Variants in KHDRBS3 observed in about 807,000 individuals in gnomAD.
KHDRBS3 encodes the protein KH RNA binding domain containing, signal transduction associated 3, also known as KH domain-containing, RNA-binding, signal transduction-associated protein 3.
In KHDRBS3, 23 loss-of-function variants were observed where a neutral mutation model predicts 45.6. The observed-to-expected ratio is 0.50, with a 90% CI of 0.36 to 0.72. The LOEUF (loss-of-function observed/expected upper bound fraction) is 0.72, where lower values mean the gene tolerates loss of function less well. KHDRBS3 is among the 30% of genes least tolerant of loss of function. The probability of loss-of-function intolerance (pLI) is 0.00; values close to 1 mark genes in which losing one functional copy is unlikely to be tolerated. For synonymous variants in KHDRBS3, 162 were observed against 156.5 expected, an observed-to-expected ratio of 1.04 and a Z score of -0.26; for missense variants, 352 against 424.8, an observed-to-expected ratio of 0.83 and a Z score of 1.51.
chr8:135,493,796 G>A (rs948585483), intron 1 of KHDRBS3, among the ~76,000 whole-genome samples: 3 of 152,136 alleles, frequency 2.0e-5, no homozygotes, highest in Non-Finnish European at 4.4e-5. Flanking sequence ...AATAAAATGA[G>A]TTGGGAAGTA....
chr8:135,574,470 A>G (rs980389535), intron 5 of KHDRBS3, among the ~76,000 whole-genome samples: 1 of 152,216 alleles, frequency 6.6e-6, no homozygotes, highest in Non-Finnish European at 1.5e-5. Context: ...TGCATAACCA[A>G]CAATGTCAAT....
downstream of KHDRBS3, among the ~76,000 whole-genome samples, chr8:135,652,468 G>A (rs375687821): frequency 4.5e-4 from 69 of 152,326 alleles, no homozygotes; most frequent in African/African-American, 1.5e-3. Context: ...CTGCCCAGCC[G>A]CCTGGAGCAC....
In KHDRBS3 at chr8:135,480,638, T is replaced by C. The variant is rs1012503997; in HGVS notation, c.88+22684T>C. Among the ~76,000 whole-genome samples, 8 of 152,022 alleles carry C rather than the reference T, an allele frequency of 5.3e-5. No individual in the cohort carries two copies. The East Asian group carries it at 1.4e-3, about 26-fold the overall frequency. On this transcript the variant is annotated intron_variant, in intron 1 of 8. Transcript: ENST00000355849. ...CTTATTATAGAAAAAAAGTGGAAGA[T>C]GTAAAAAAGGTAGAAAGGAAAAAAA...
intron 3 of KHDRBS3, among the ~76,000 whole-genome samples, chr8:135,548,161 A>G (rs1365929773): frequency 2.6e-5 from 4 of 152,320 alleles, no homozygotes; most frequent in East Asian, 3.9e-4. Flanking sequence ...CATTCATTCA[A>G]CGAATCTTTG....
At chr8:135,482,997 G>A (rs994005788) in intron 1 of KHDRBS3, among the ~76,000 whole-genome samples, 1 of 152,118 alleles carries the variant, frequency 6.6e-6, no homozygotes, top group Admixed American at 6.5e-5. Context: ...TAAAATAACA[G>A]GTAGTGCTTT....
In KHDRBS3 at chr8:135,645,723, G is replaced by A. The variant is rs183477247; in HGVS notation, c.949+606G>A. On this transcript the variant is annotated intron_variant, in intron 8 of 8. Transcript: ENST00000355849. The stretch of plus-strand genomic sequence containing the variant: ...GTCTCACTATGCAGAACGATGACAG[G>A]TTTAATAATTAAAAGAATTGGCGGC... Among the ~76,000 whole-genome samples, 636 of 152,288 alleles carry A rather than the reference G, an allele frequency of 4.2e-3. 5 individuals carry two copies. Among genetic ancestry groups the A allele is most frequent in the African/African-American group, 0.014 (601 of 41,552 alleles).
intron 3 of KHDRBS3, among the ~76,000 whole-genome samples, chr8:135,547,055 G>T (rs972232073): frequency 6.6e-6 from 1 of 152,146 alleles, no homozygotes; most frequent in Non-Finnish European, 1.5e-5. Context: ...TGTGCTTTCA[G>T]GGATGAATTG....
At chr8:135,616,353 G>A (rs998433479) in intron 7 of KHDRBS3, among the ~76,000 whole-genome samples, 23 of 152,184 alleles carry the variant, frequency 1.5e-4, no homozygotes, top group Admixed American at 2.0e-4. Flanking sequence ...TCCTATAAAT[G>A]TAGAGAAGAC....
At chr8:135,636,396 C>T (rs1192894143) in intron 7 of KHDRBS3, among the ~76,000 whole-genome samples, 2 of 152,204 alleles carry the variant, frequency 1.3e-5, no homozygotes, top group African/African-American at 2.4e-5. Flanking sequence ...CATGCAGCTT[C>T]GTGCCACTGC....
intron 2 of KHDRBS3, among the ~76,000 whole-genome samples, chr8:135,529,205 C>T (rs777038911): frequency 2.0e-5 from 3 of 152,178 alleles, no homozygotes; most frequent in Non-Finnish European, 4.4e-5. Flanking sequence ...TGTCAACCTA[C>T]ATCTTGTAGT....
At chr8:135,521,429 G>A (rs1420940241) in intron 2 of KHDRBS3, 74 bp downstream of exon 2, 2 of 825,524 alleles carry the variant, frequency 2.4e-6, no homozygotes, top group Admixed American at 4.6e-5. Context: ...TTTATATTCT[G>A]TTTGGTGTTT....
chr8:135,655,468 A>G (rs950385001), intron 4 of KHDRBS3, among the ~76,000 whole-genome samples: 8 of 152,264 alleles, frequency 5.3e-5, no homozygotes, highest in African/African-American at 1.9e-4. Context: ...GAGGGTGTCA[A>G]CCAAGACATG....
At chr8:135,600,728 C>T (rs548689564) in intron 6 of KHDRBS3, among the ~76,000 whole-genome samples, 8 of 152,302 alleles carry the variant, frequency 5.3e-5, no homozygotes, top group Admixed American at 3.9e-4. Context: ...CTCTGTCATC[C>T]AGACTGGAAT....
chr8:135,537,106 C>T (rs1281512495), intron 2 of KHDRBS3, among the ~76,000 whole-genome samples: 1 of 151,824 alleles, frequency 6.6e-6, no homozygotes, highest in Non-Finnish European at 1.5e-5. Context: ...AACACACAGG[C>T]CTAGTCAGTG....
intron 7 of KHDRBS3, among the ~76,000 whole-genome samples, chr8:135,620,731 C>G (rs1830102076): frequency 6.6e-6 from 1 of 152,160 alleles, no homozygotes; most frequent in Non-Finnish European, 1.5e-5. Flanking sequence ...TGAGTAGTTA[C>G]ACCATCCAAC....
intron 1 of KHDRBS3, among the ~76,000 whole-genome samples, chr8:135,501,455 T>C (rs918936028): frequency 1.3e-5 from 2 of 152,200 alleles, no homozygotes; most frequent in African/African-American, 4.8e-5. Flanking sequence ...GAATCAAATG[T>C]AGCTATTTGT....
intron 6 of KHDRBS3, among the ~76,000 whole-genome samples, chr8:135,598,893 T>C (rs1829087522): frequency 6.6e-6 from 1 of 152,238 alleles, no homozygotes; most frequent in African/African-American, 2.4e-5. Flanking sequence ...AGATGTCAGA[T>C]AGCATAATTA....
intron 1 of KHDRBS3, among the ~76,000 whole-genome samples, chr8:135,462,046 G>A (rs903467873): frequency 3.3e-5 from 5 of 152,086 alleles, no homozygotes; most frequent in African/African-American, 1.2e-4. Context: ...GATTTTTGGG[G>A]ACCCCTTTTG....
At chr8:135,497,544 A>G (rs1226759537) in intron 1 of KHDRBS3, among the ~76,000 whole-genome samples, 1 of 152,152 alleles carries the variant, frequency 6.6e-6, no homozygotes, top group African/African-American at 2.4e-5. Flanking sequence ...GAAGCGACAT[A>G]CCAGAAAACT....
Sources: gnomAD v4.1 joint callset for allele counts (sites outside exome capture counted in the v4.1 genomes callset) on GRCh38, gnomAD v4.1.1 for gene constraint, MANE v1.5 for transcripts, NCBI Gene and HGNC (gene_info 2026-07-23, HGNC 2026-07-21) for gene names.